NMT2: variants seen among roughly 807,000 people sequenced by gnomAD.
NMT2 encodes the protein glycylpeptide N-tetradecanoyltransferase 2.
A neutral mutation model predicts 65.4 loss-of-function variants in NMT2; 35 were observed. The observed-to-expected ratio is 0.54, with a 90% confidence interval of 0.41 to 0.71. The LOEUF (loss-of-function observed/expected upper bound fraction) is 0.71, where lower values mean the gene tolerates loss of function less well. Among genes scored for constraint, NMT2 ranks in the 30% least tolerant of loss-of-function variants. NMT2 has a pLI of 0.00. For missense variants in NMT2, 489 were observed against 611.3 expected (o/e 0.80, Z 2.11); for synonymous variants, 226 against 231.8 (o/e 0.98, Z 0.23).
At chr10:15,136,670 A>C (rs1846519668) in intron 2 of NMT2, among the ~76,000 whole-genome samples, 1 of 152,004 alleles carries the variant, frequency 6.6e-6, no homozygotes, top group African/African-American at 2.4e-5. Flanking sequence ...AGGACAAGCA[A>C]TTTCCTCTGT....
rs139770446 is a variant in NMT2 at position 15,130,180 on chromosome 10, G to A, written c.852C>T (p.Thr284=). 323 of 1,593,056 alleles carry A rather than the reference G, an allele frequency of 2.0e-4. No homozygotes were observed. The highest frequency in any genetic ancestry group is 2.6e-4 in the Non-Finnish European group (307 of 1,168,518). Residue 284 remains threonine (T), a synonymous_variant, in exon 7 of 12, where the codon ACC becomes ACT. Coordinates refer to ENST00000378165, the MANE Select transcript of NMT2 (RefSeq NM_004808.3). ...TGGGCTTAGGAAGAACCACTCCCGC[G>A]GTGTACACAGCCTGGAAGATCCCTT... ...NLEGIFQAVY[T]AGVVLPKPIA...
rs74125542 is a variant in NMT2, at chr10:15,154,475, G to A, written c.111-12918C>T. On this transcript the variant is annotated intron_variant, in intron 1 of 11. Transcript: ENST00000378165. ...AGGTGCCCCTTATCCTCAAGAAGGC[G>A]TTCCAAGTCTCCCAGGAGATGCCTA... 7.4e-3 allele frequency among the ~76,000 whole-genome samples: 1,121 copies of A among 152,292 alleles called. 16 individuals carry two copies. Among genetic ancestry groups the A allele is most frequent in the African/African-American group, 0.026 (1,062 of 41,550 alleles).
intron 9 of NMT2, 81 bp downstream of exon 9, chr10:15,119,262 G>A: frequency 8.5e-7 from 1 of 1,170,692 alleles, no homozygotes. Flanking sequence ...ATAGAAGGAA[G>A]TGTGTGTAAA....
chr10:15,129,574 TG>T (rs1261195489), intron 7 of NMT2, among the ~76,000 whole-genome samples: 1 of 152,210 alleles, frequency 6.6e-6, no homozygotes, highest in East Asian at 1.9e-4. Flanking sequence ...AACTGATCTT[TG>T]GGGTGGAAAG....
chr10:15,135,329 A>G lies in NMT2; in HGVS notation c.336T>C (p.Asp112=), dbSNP rs1226496707. ...ACTGGTATCTGTGCTTTGCAGCCTC[A>G]TCAATGTTCCTGGCTGGGCCCTGGC... ...SACQGPARNI[D]EAAKHRYQFW... is the part of the protein sequence containing the mutation. The change falls in exon 3 of 12, where the codon GAT becomes GAC. Residue 112 remains aspartate, a synonymous_variant. Transcript: ENST00000378165. The G allele has an allele frequency of 6.2e-7, 1 of 1,614,154 alleles. No homozygotes were observed. The highest frequency in any genetic ancestry group is 8.5e-7 in the Non-Finnish European group (1 of 1,180,024).
rs1019850407 is a variant in NMT2 at position 15,109,859 on chromosome 10, T to A, written c.1339-20A>T. ...TCCTTTCTGCCAATTTAAAAAAGATTTAAAATTTAAAACAAAGGACTAGTG... is the reference window on the plus strand; with the variant it reads ...TCCTTTCTGCCAATTTAAAAAAGATATAAAATTTAAAACAAAGGACTAGTG... On this transcript the variant is annotated intron_variant, in intron 10 of 11. Transcript: ENST00000378165. 41 of 1,585,558 alleles carry A rather than the reference T, an allele frequency of 2.6e-5. No homozygotes were observed. In the Admixed American group the frequency reaches 6.0e-4, roughly 23 times the overall value.
chr10:15,158,608 T>C (rs530127617), intron 1 of NMT2, among the ~76,000 whole-genome samples: 1 of 152,358 alleles, frequency 6.6e-6, no homozygotes, highest in South Asian at 2.1e-4. Flanking sequence ...GATTGGAGAC[T>C]GAAAGTGCTG....
At chr10:15,154,725 AT>A in intron 1 of NMT2, 1 of 553,762 alleles carries the variant, frequency 1.8e-6, no homozygotes, top group South Asian at 1.7e-5. Context: ...CTGCGAGCAA[AT>A]GGGGTGGAGG....
chr10:15,138,307 G>T, intron 2 of NMT2: 1 of 468,698 alleles, frequency 2.1e-6, no homozygotes, highest in Admixed American at 2.4e-5. Flanking sequence ...AACCACATAC[G>T]GCTCTATTTA....
chr10:15,153,265 A>T (rs1180813070), intron 1 of NMT2, among the ~76,000 whole-genome samples: 1 of 152,222 alleles, frequency 6.6e-6, no homozygotes, highest in Non-Finnish European at 1.5e-5. Flanking sequence ...CGCCATCTCT[A>T]AAAAAATACA....
intron 8 of NMT2, among the ~76,000 whole-genome samples, chr10:15,122,433 T>G (rs1845956266): frequency 1.3e-5 from 2 of 152,074 alleles, no homozygotes; most frequent in African/African-American, 4.8e-5. Context: ...CTTTTTTTTT[T>G]TTGAGATGGA....
At chr10:15,139,353 C>G (rs1198781700) in intron 2 of NMT2, among the ~76,000 whole-genome samples, 1 of 151,872 alleles carries the variant, frequency 6.6e-6, no homozygotes, top group Non-Finnish European at 1.5e-5. Flanking sequence ...ATACACCTAC[C>G]ATATAATGCC....
chr10:15,141,590 A>C, intron 1 of NMT2, 33 bp from the exon 2 acceptor site: 1 of 1,569,844 alleles, frequency 6.4e-7, no homozygotes, highest in Non-Finnish European at 8.6e-7. Flanking sequence ...GAAACCAACC[A>C]ACAAACAAAA....
chr10:15,130,202 C>A lies in NMT2; in HGVS notation c.830G>T (p.Gly277Val). The A allele has an allele frequency of 1.2e-6, 2 of 1,604,812 alleles. No homozygotes were observed. The highest frequency in any genetic ancestry group is 1.1e-5 in the South Asian group (1 of 88,880). ...CGCGGTGTACACAGCCTGGAAGATCCCTTCCAGGTTCACTCTTCTAGTGAT... is the reference window on the plus strand; with the variant it reads ...CGCGGTGTACACAGCCTGGAAGATCACTTCCAGGTTCACTCTTCTAGTGAT... ...REITRRVNLE[G>V]IFQAVYTAGV... The change falls in exon 7 of 12, where the codon GGG becomes GTG. Residue 277 changes from glycine to valine, a missense_variant. Physicochemically the swap from Gly to Val is moderately radical, Grantham distance 109 (BLOSUM62 -3). Coordinates refer to ENST00000378165, the MANE Select transcript of NMT2 (RefSeq NM_004808.3).
In NMT2 at chr10:15,136,827, CTT is replaced by C. The variant is rs113306321; in HGVS notation, c.247-1411_247-1410del. ...GCCAGCTCTTGGAGATTCCCCAGTT[CTT>C]TTTTTTTTTTTTTTAATTCCTCAAA... On this transcript the variant is annotated intron_variant, in intron 2 of 11. Coordinates refer to ENST00000378165, the MANE Select transcript of NMT2 (RefSeq NM_004808.3). 8.7e-3 allele frequency among the ~76,000 whole-genome samples: 1,244 copies of C among 142,478 alleles called. 14 individuals are homozygous for C. The highest frequency in any genetic ancestry group is 0.027 in the African/African-American group (1,049 of 39,486). The allele number at this position is 142,478 out of a possible 152,430, so 93.5% of individuals were successfully genotyped here.
chr10:15,141,347 G>T, intron 2 of NMT2, 75 bp downstream of exon 2: 1 of 1,549,688 alleles, frequency 6.5e-7, no homozygotes, highest in Non-Finnish European at 8.8e-7. Context: ...ATCTGATGCA[G>T]CAGCGCGCTA....
At chr10:15,161,210 C>A (rs1833185558) in intron 1 of NMT2, among the ~76,000 whole-genome samples, 1 of 151,164 alleles carries the variant, frequency 6.6e-6, no homozygotes, top group African/African-American at 2.4e-5. Context: ...CACATGCACA[C>A]CCAGGCTATG....
intron 1 of NMT2, among the ~76,000 whole-genome samples, chr10:15,153,143 G>C (rs1173874680): frequency 6.6e-6 from 1 of 152,148 alleles, no homozygotes; most frequent in Non-Finnish European, 1.5e-5. Flanking sequence ...TTTTTAAAAA[G>C]GAGGTTGGAG....
intron 1 of NMT2, among the ~76,000 whole-genome samples, chr10:15,153,504 G>A (rs1037796059): frequency 4.6e-5 from 7 of 152,158 alleles, no homozygotes; most frequent in East Asian, 3.8e-4. Flanking sequence ...ACTTAACTTC[G>A]TTGCCTCCCA....
Sources: allele counts gnomAD v4.1 joint callset (sites outside exome capture counted in the v4.1 genomes callset), GRCh38; gene constraint gnomAD v4.1.1; transcripts MANE v1.5; gene names NCBI Gene and HGNC (gene_info 2026-07-23, HGNC 2026-07-21).